Variants in JAKMIP3 observed in about 807,000 individuals in gnomAD.
The protein encoded by JAKMIP3 is Janus kinase and microtubule interacting protein 3.
A neutral mutation model predicts 118.5 loss-of-function variants in JAKMIP3; 58 were observed. The ratio of observed to expected loss-of-function variants is 0.49; its 90% CI spans 0.40 to 0.61. JAKMIP3 has a LOEUF of 0.61. JAKMIP3 is among the 20% of genes least tolerant of loss of function. The probability of loss-of-function intolerance (pLI) is 0.00; values close to 1 mark genes in which losing one functional copy is unlikely to be tolerated. For missense variants in JAKMIP3, 950 were observed against 1,109.0 expected, an observed-to-expected ratio of 0.86 and a Z score of 2.04; for synonymous variants, 486 against 451.2, an observed-to-expected ratio of 1.08 and a Z score of -0.98.
chr10:132,142,658 G>C (rs889204876), intron 11 of JAKMIP3, among the ~76,000 whole-genome samples: 2 of 152,224 alleles, frequency 1.3e-5, no homozygotes, highest in Non-Finnish European at 2.9e-5. Context: ...AGGCCTCGTG[G>C]GGAGAGCGTG....
chr10:132,178,348 G>T (rs570665064), intron 23 of JAKMIP3, among the ~76,000 whole-genome samples: 28 of 152,330 alleles, frequency 1.8e-4, no homozygotes, highest in East Asian at 7.7e-4. Context: ...CCCCATGAAG[G>T]GGGTAGAGGA....
chr10:132,096,215 G>C (rs1487615807), intron 1 of JAKMIP3, among the ~76,000 whole-genome samples: 2 of 152,222 alleles, frequency 1.3e-5, no homozygotes, highest in Non-Finnish European at 2.9e-5. Flanking sequence ...TTTTAGTTCT[G>C]ATATTTTTAA....
intron 3 of JAKMIP3, among the ~76,000 whole-genome samples, chr10:132,124,711 A>G (rs1041201136): frequency 1.6e-4 from 24 of 152,236 alleles, no homozygotes; most frequent in Admixed American, 9.2e-4. Flanking sequence ...ACGAGCACCT[A>G]TCACATCCTG....
chr10:132,109,407 C>T (rs941272217), intron 2 of JAKMIP3, among the ~76,000 whole-genome samples: 8 of 152,222 alleles, frequency 5.3e-5, no homozygotes, highest in African/African-American at 1.4e-4. Flanking sequence ...CCACAATTAA[C>T]GAATGACCTC....
chr10:132,044,717 A>G lies in JAKMIP3; in HGVS notation c.-138+7979A>G, dbSNP rs73393892. Among the ~76,000 whole-genome samples the G allele has an allele frequency of 2.5e-3, 377 of 152,214 alleles. 2 individuals carry two copies. The highest frequency in any genetic ancestry group is 8.8e-3 in the African/African-American group (366 of 41,534). ...ACAAGTCACCATCTGAACCATTTTT[A>G]GGTGTGCGGCTCAGAGTAGGGACAA... On this transcript the variant is annotated intron_variant, in intron 1 of 23. Coordinates refer to the JAKMIP3 transcript ENST00000657785. This position sits in a 1 kb window ranked among gnomAD's most constrained non-coding sequence, Gnocchi z 5.3.
At position 132,180,664 on chromosome 10, in the gene JAKMIP3, TGC is replaced by T. The variant is rs1180212704; in HGVS notation, c.*1104-1691_*1104-1690del. Among the ~76,000 whole-genome samples, 116 of 31,648 alleles carry T rather than the reference TGC, an allele frequency of 3.7e-3. 14 individuals are homozygous for T. The highest frequency in any genetic ancestry group is 0.018 in the African/African-American group (99 of 5,384). 20.8% of individuals were successfully genotyped at this position (31,648 alleles called of 152,430 possible). A position where few individuals can be genotyped will look rare whatever the true frequency, so the allele number is the denominator to read the frequency against. On this transcript the variant is annotated intron_variant, in intron 23 of 23. Transcript: ENST00000684848. ...GTGTGTGCGTGTGCGTGTGCGTGTG[TGC>T]GTGTGTGTGCGCGCGCGTGTGTGTG... is the stretch of plus-strand genomic sequence containing the variant.
chr10:132,075,567 A>C (rs1032949628), intron 1 of JAKMIP3, among the ~76,000 whole-genome samples: 2 of 151,966 alleles, frequency 1.3e-5, no homozygotes, highest in Admixed American at 1.3e-4. Flanking sequence ...GCACCACCAC[A>C]CTGGGCTAAT....
In JAKMIP3 at chr10:132,136,949, C is replaced by T. The variant is rs1053252804; in HGVS notation, c.1117-70C>T. ...CCCGGGTTGAGGGAGAAGACCCCCC[C>T]GCCGACCCACTGTGTTCAGCCAGAC... On this transcript the variant is annotated intron_variant, in intron 6 of 23. Coordinates refer to ENST00000684848, the MANE Select transcript of JAKMIP3 (RefSeq NM_001323087.2). The T allele has an allele frequency of 1.7e-4, 261 of 1,538,286 alleles. No homozygotes were observed. The East Asian group carries it at 2.7e-3, about 16-fold the overall frequency.
chr10:132,184,817 A>G lies in JAKMIP3; in HGVS notation c.*3564A>G, dbSNP rs1471800256. Reference sequence around the variant, plus strand: ...AAAATGTTTTAAATCTTAGACGATTAAAGTCCCCTCAAAGGTATTAAAGTT... The same window carrying G: ...AAAATGTTTTAAATCTTAGACGATTGAAGTCCCCTCAAAGGTATTAAAGTT... On this transcript the variant is annotated 3_prime_UTR_variant, in exon 24 of 24. Transcript: ENST00000684848. The G allele has an allele frequency of 1.3e-5, 2 of 152,284 alleles. No individual in the cohort carries two copies. The highest frequency in any genetic ancestry group is 2.9e-5 in the Non-Finnish European group (2 of 68,056). The allele number at this position is 152,284 out of a possible 1,614,324, so 9.4% of individuals were successfully genotyped here.
intron 8 of JAKMIP3, 79 bp from the exon 9 acceptor site, chr10:132,138,040 C>A: frequency 7.6e-7 from 1 of 1,317,844 alleles, no homozygotes; most frequent in Non-Finnish European, 1.1e-6. Flanking sequence ...CAAATGATGG[C>A]ACACGGGCAG....
chr10:132,115,532 G>C (rs7086006), intron 2 of JAKMIP3, among the ~76,000 whole-genome samples: 1 of 152,008 alleles, frequency 6.6e-6, no homozygotes, highest in African/African-American at 2.4e-5. Context: ...CGGCTGGTTT[G>C]AAATGGAGAT....
At chr10:132,180,600 T>A (rs1330724665) in intron 23 of JAKMIP3, among the ~76,000 whole-genome samples, 1 of 39,120 alleles carries the variant, frequency 2.6e-5, no homozygotes, top group Non-Finnish European at 4.4e-5. Context: ...TGTGTGTGCG[T>A]GCGCGTGTGT....
At chr10:132,097,945 T>TCCCCTC (rs2044201903) in intron 1 of JAKMIP3, among the ~76,000 whole-genome samples, 1 of 34,252 alleles carries the variant, frequency 2.9e-5, no homozygotes, top group Admixed American at 3.1e-4. Flanking sequence ...CCCTTTCCCT[T>TCCCCTC]TCCCATCCCC....
chr10:132,111,414 G>T (rs74532246), intron 2 of JAKMIP3, among the ~76,000 whole-genome samples: 1,541 of 152,286 alleles, frequency 0.01, 17 homozygotes, highest in African/African-American at 0.034. Flanking sequence ...TAGAGCCCAG[G>T]TAGACATGGG....
chr10:132,087,034 A>T (rs972314008), intron 1 of JAKMIP3, among the ~76,000 whole-genome samples: 12 of 152,214 alleles, frequency 7.9e-5, no homozygotes, highest in African/African-American at 2.7e-4. Context: ...AGCTCCCTTT[A>T]GCAGTTCTTG....
At chr10:132,143,039 C>T (rs557093850) in intron 11 of JAKMIP3, among the ~76,000 whole-genome samples, 267 of 152,216 alleles carry the variant, frequency 1.8e-3, no homozygotes, top group African/African-American at 6.2e-3. Flanking sequence ...GCCCTGGTGA[C>T]GTGGCTGGTT....
At chr10:132,059,824 G>A (rs372385991), upstream of JAKMIP3, among the ~76,000 whole-genome samples, 25 of 152,352 alleles carry the variant, frequency 1.6e-4, 1 homozygote, top group South Asian at 5.2e-3. Context: ...CAAATTCCCA[G>A]ATATAAGCTG....
intron 3 of JAKMIP3, among the ~76,000 whole-genome samples, chr10:132,119,035 C>A (rs2048149834): frequency 6.6e-6 from 1 of 152,146 alleles, no homozygotes; most frequent in Non-Finnish European, 1.5e-5. Flanking sequence ...ACCAGCAGTT[C>A]CCTGCCATCC....
intron 9 of JAKMIP3, among the ~76,000 whole-genome samples, chr10:132,139,471 T>TGTGTGA (rs2052952047): frequency 2.8e-5 from 4 of 144,954 alleles, no homozygotes; most frequent in South Asian, 2.3e-4. Flanking sequence ...CATGTGTGTA[T>TGTGTGA]GTGTGAGTGT....
Sources: allele counts gnomAD v4.1 joint callset (sites outside exome capture counted in the v4.1 genomes callset), GRCh38; gene constraint gnomAD v4.1.1; non-coding constraint Gnocchi (gnomAD v3.1); transcripts MANE v1.5; gene names NCBI Gene and HGNC (gene_info 2026-07-23, HGNC 2026-07-21).